Variants in DNAH2 observed in about 807,000 individuals in gnomAD.
The protein encoded by DNAH2 is axonemal beta dynein heavy chain 2.
In DNAH2, 323 loss-of-function variants were observed where a neutral mutation model predicts 523.5. The ratio of observed to expected loss-of-function variants is 0.62; its 90% CI spans 0.56 to 0.68. DNAH2 has a LOEUF of 0.68. Ranked by LOEUF, DNAH2 falls within the 30% of genes least tolerant of loss-of-function variation. The pLI, the probability that DNAH2 is intolerant of heterozygous loss-of-function variation, is 0.00. For missense variants in DNAH2, 4,907 were observed against 5,701.5 expected, an observed-to-expected ratio of 0.86 and a Z score of 4.49; for synonymous variants, 2,093 against 2,177.4, an observed-to-expected ratio of 0.96 and a Z score of 1.08.
At position 7,786,092 on chromosome 17, in the gene DNAH2, T is replaced by A. The variant is rs1481819113; in HGVS notation, c.6130-32T>A. On this transcript the variant is annotated intron_variant, in intron 39 of 85. Coordinates refer to ENST00000572933, the MANE Select transcript of DNAH2 (RefSeq NM_020877.5). This position sits in a 1 kb window ranked among gnomAD's most constrained non-coding sequence, Gnocchi z 7.5. ...AGCCCTTTAAAGGCCTCATCCTTTTTCTTCTGCTTGCTGTGTTTTCCCTTC... is the reference window on the plus strand; with the variant it reads ...AGCCCTTTAAAGGCCTCATCCTTTTACTTCTGCTTGCTGTGTTTTCCCTTC... 1 of 1,611,556 alleles carries A rather than the reference T, an allele frequency of 6.2e-7. No homozygotes were observed. The highest frequency in any genetic ancestry group is 2.2e-5 in the East Asian group (1 of 44,842).
chr17:7,809,225 G>A (rs1374976415), intron 63 of DNAH2, among the ~76,000 whole-genome samples: 1 of 152,176 alleles, frequency 6.6e-6, no homozygotes, highest in East Asian at 1.9e-4. Flanking sequence ...CCACAGATCA[G>A]ATGAGGAGCC....
At chr17:7,774,673 C>G in intron 28 of DNAH2, 86 bp from the exon 29 acceptor site, 2 of 1,208,750 alleles carry the variant, frequency 1.7e-6, no homozygotes. Flanking sequence ...TGTTCAAGAG[C>G]TGGCAAAGAA....
Position 7,791,913 on chromosome 17 carries a change from C to T in DNAH2, c.6901-4C>T. ...GTTATTTCCTCTTCTCGTTCTCCAT[C>T]CAGGTGAACCCAGCTGACGGCGAGA... On this transcript the variant is annotated splice_polypyrimidine_tract_variant and splice_region_variant and intron_variant, in intron 44 of 85. Coordinates refer to ENST00000572933, the MANE Select transcript of DNAH2 (RefSeq NM_020877.5). 1 of 1,612,606 alleles carries T rather than the reference C, an allele frequency of 6.2e-7. No homozygotes were observed. Among genetic ancestry groups the T allele is most frequent in the Non-Finnish European group, 8.5e-7 (1 of 1,179,426 alleles).
In DNAH2 at chr17:7,821,189, G is replaced by C; in HGVS notation, c.11016-54G>C. 1 of 1,586,988 alleles carries C rather than the reference G, an allele frequency of 6.3e-7. No individual in the cohort carries two copies. The highest frequency in any genetic ancestry group is 8.6e-7 in the Non-Finnish European group (1 of 1,163,388). Reference sequence around the variant, plus strand: ...AGTAGCATCATAGCATTCGCATGGAGCATCAGCCCCCATTCCATGCTGCCC... The same window carrying C: ...AGTAGCATCATAGCATTCGCATGGACCATCAGCCCCCATTCCATGCTGCCC... On this transcript the variant is annotated intron_variant, in intron 72 of 85. Coordinates refer to ENST00000572933, the MANE Select transcript of DNAH2 (RefSeq NM_020877.5). This position sits in a 1 kb window ranked among gnomAD's most constrained non-coding sequence, Gnocchi z 5.0.
At chr17:7,788,912 C>T (rs1198710554) in intron 44 of DNAH2, among the ~76,000 whole-genome samples, 3 of 152,140 alleles carry the variant, frequency 2.0e-5, no homozygotes, top group Admixed American at 2.0e-4. Flanking sequence ...CGCCTGTAAT[C>T]CCAGCACTTT....
At position 7,792,411 on chromosome 17, in the gene DNAH2, T is replaced by C. The variant is rs925896800; in HGVS notation, c.7145+68T>C. The C allele has an allele frequency of 2.6e-6, 4 of 1,527,756 alleles. No individual in the cohort carries two copies. In the South Asian group the frequency reaches 4.5e-5, roughly 17 times the overall value. The allele number at this position is 1,527,756 out of a possible 1,614,324, so 94.6% of individuals were successfully genotyped here. A position where few individuals can be genotyped will look rare whatever the true frequency, so the allele number is the denominator to read the frequency against. On this transcript the variant is annotated intron_variant, in intron 46 of 85. Transcript: ENST00000572933. ...TAGGTGGGGGATGTGGCAAGAGAGA[T>C]GGGGCCTAGAAGCAAAAATGAGCAA...
intron 48 of DNAH2, among the ~76,000 whole-genome samples, chr17:7,793,503 C>CTTTCTTTA (rs1567709565): frequency 7.4e-6 from 1 of 135,110 alleles, no homozygotes; most frequent in African/African-American, 2.6e-5. Flanking sequence ...TTCTTTCTTT[C>CTTTCTTTA]TTTCTTTCTT....
At chr17:7,785,271 T>A (rs2076704974) in intron 39 of DNAH2, among the ~76,000 whole-genome samples, 1 of 152,028 alleles carries the variant, frequency 6.6e-6, no homozygotes, top group East Asian at 1.9e-4. Context: ...CCGGCTAATT[T>A]TTTGTATTTT....
intron 12 of DNAH2, among the ~76,000 whole-genome samples, chr17:7,756,831 C>T (rs1206262064): frequency 4.0e-5 from 6 of 151,766 alleles, no homozygotes; most frequent in African/African-American, 7.3e-5. Flanking sequence ...CCACTGCGCC[C>T]GGCTAATTTT....
At chr17:7,743,253 C>A in intron 12 of DNAH2, 111 bp downstream of exon 12, 1 of 1,164,622 alleles carries the variant, frequency 8.6e-7, no homozygotes, top group Non-Finnish European at 1.3e-6. Flanking sequence ...CTTTCTCATA[C>A]AATATGTTTG....
chr17:7,731,474 G>T (rs1419379603), intron 4 of DNAH2, among the ~76,000 whole-genome samples: 9 of 151,838 alleles, frequency 5.9e-5, no homozygotes, highest in Non-Finnish European at 7.4e-5. Context: ...TTAAATTCAA[G>T]TAAAATTAAA....
In DNAH2 at chr17:7,760,261, AG is replaced by A. The variant is rs2075967748; in HGVS notation, c.2785+325del. ...CGGGTGCCTATAATCCCAACTACTC[AG>A]GAGGCTGAGGCAAAGAATCACCCCG... On this transcript the variant is annotated intron_variant, in intron 17 of 85. Coordinates refer to ENST00000572933, the MANE Select transcript of DNAH2 (RefSeq NM_020877.5). This position sits in a 1 kb window ranked among gnomAD's most constrained non-coding sequence, Gnocchi z 4.0. Among the ~76,000 whole-genome samples, 1 of 152,110 alleles carries A rather than the reference AG, an allele frequency of 6.6e-6. No individual in the cohort carries two copies. Among genetic ancestry groups the A allele is most frequent in the African/African-American group, 2.4e-5 (1 of 41,424 alleles).
At chr17:7,781,261 G>T in intron 39 of DNAH2, 94 bp downstream of exon 39, 2 of 1,445,044 alleles carry the variant, frequency 1.4e-6, no homozygotes, top group South Asian at 1.2e-5. Context: ...GACTGTTTGA[G>T]TCCAGGAGTT....
At chr17:7,810,838 A>AT (rs1387196905) in intron 63 of DNAH2, among the ~76,000 whole-genome samples, 1 of 150,836 alleles carries the variant, frequency 6.6e-6, no homozygotes, top group East Asian at 1.9e-4. Context: ...AAGCTTATGC[A>AT]TGGTACTGAG....
intron 16 of DNAH2, 75 bp from the exon 17 acceptor site, chr17:7,759,716 T>G: frequency 6.2e-7 from 1 of 1,605,836 alleles, no homozygotes; most frequent in Non-Finnish European, 8.5e-7. Flanking sequence ...CCTATGGCCT[T>G]CAGACCTGCT....
At chr17:7,744,277 G>A (rs1165959415) in intron 12 of DNAH2, among the ~76,000 whole-genome samples, 1 of 137,972 alleles carries the variant, frequency 7.2e-6, no homozygotes, top group East Asian at 2.2e-4. Flanking sequence ...CTGGGCGACA[G>A]AGTGAGTCTC....
At chr17:7,749,181 G>A (rs559049206) in intron 12 of DNAH2, among the ~76,000 whole-genome samples, 2 of 150,908 alleles carry the variant, frequency 1.3e-5, no homozygotes, top group Admixed American at 6.6e-5. Context: ...GGTGGCAAGC[G>A]TCTGTAATCC....
intron 11 of DNAH2, among the ~76,000 whole-genome samples, chr17:7,741,232 CTCTCTCTT>C (rs199836546): frequency 0.013 from 1,599 of 119,202 alleles, 21 homozygotes; most frequent in South Asian, 0.021. Context: ...TTTTTTTTCT[CTCTCTCTT>C]TCTTTCTTTC....
At chr17:7,735,461 C>G (rs1045010965) in intron 7 of DNAH2, among the ~76,000 whole-genome samples, 6 of 149,920 alleles carry the variant, frequency 4.0e-5, no homozygotes, top group African/African-American at 1.5e-4. Context: ...CTTTTTTTTT[C>G]CTTTTGAGAC....
Sources: allele counts gnomAD v4.1 joint callset (sites outside exome capture counted in the v4.1 genomes callset), GRCh38; gene constraint gnomAD v4.1.1; non-coding constraint Gnocchi (gnomAD v3.1); transcripts MANE v1.5; gene names NCBI Gene and HGNC (gene_info 2026-07-23, HGNC 2026-07-21).